Variants in DCBLD2 observed in about 807,000 individuals in gnomAD.
DCBLD2 encodes the protein discoidin, CUB and LCCL domain containing 2, also known as discoidin, CUB and LCCL domain-containing protein 2.
In DCBLD2, 54 loss-of-function variants were observed where a neutral mutation model predicts 86.8. The ratio of observed to expected loss-of-function variants is 0.62; its 90% confidence interval spans 0.50 to 0.78. The LOEUF (loss-of-function observed/expected upper bound fraction) is 0.78, where lower values mean the gene tolerates loss of function less well. DCBLD2 is among the 30% of genes least tolerant of loss of function. The pLI is 0.00. For synonymous variants in DCBLD2, 354 were observed against 341.3 expected (o/e 1.04, Z -0.41); for missense variants, 908 against 954.2 (o/e 0.95, Z 0.64).
chr3:98,804,885 T>G (rs893508586), intron 13 of DCBLD2: 2 of 152,274 alleles, frequency 1.3e-5, no homozygotes, highest in Non-Finnish European at 2.9e-5. Context: ...GAGTTCTTGT[T>G]TGATTGAACT....
chr3:98,811,463 C>CA lies in DCBLD2; in HGVS notation c.1450+4dup. ...ATCAAATTCTCACATTAAAAACAGGCATACCTTTGGCTATTTTTGGAGGGG... is the reference window on the plus strand; with the variant it reads ...ATCAAATTCTCACATTAAAAACAGGCAATACCTTTGGCTATTTTTGGAGGGG... On this transcript the variant is annotated splice_donor_region_variant and intron_variant, in intron 11 of 15. Transcript: ENST00000326840. The CA allele has an allele frequency of 6.2e-7, 1 of 1,613,508 alleles. No individual in the cohort carries two copies. The highest frequency in any genetic ancestry group is 8.5e-7 in the Non-Finnish European group (1 of 1,179,624).
At chr3:98,852,561 T>C (rs1009776212) in intron 2 of DCBLD2, among the ~76,000 whole-genome samples, 7 of 152,236 alleles carry the variant, frequency 4.6e-5, no homozygotes, top group Non-Finnish European at 1.0e-4. Flanking sequence ...AGGGTATTTC[T>C]TACCAGGATT....
At chr3:98,870,793 GAAAGAAAGAAAGAAAGA>G (rs1455509122) in intron 2 of DCBLD2, among the ~76,000 whole-genome samples, 58 of 151,064 alleles carry the variant, frequency 3.8e-4, no homozygotes, top group African/African-American at 1.0e-3. Context: ...AAGAAAGAAA[GAAAGAAAGAAAGAAAGA>G]AAGGTAGGCA....
chr3:98,803,361 A>G (rs1380338796), intron 13 of DCBLD2, among the ~76,000 whole-genome samples: 4 of 152,166 alleles, frequency 2.6e-5, no homozygotes, highest in African/African-American at 9.7e-5. Flanking sequence ...TTATTGGTGT[A>G]TAAGAATGCT....
intron 14 of DCBLD2, 111 bp from the exon 15 acceptor site, chr3:98,800,827 T>A: frequency 7.0e-7 from 1 of 1,418,732 alleles, no homozygotes; most frequent in Non-Finnish European, 9.6e-7. Flanking sequence ...AACAAATATC[T>A]CTACAAACTT....
rs1229772525 is a variant in DCBLD2 at position 98,867,972 on chromosome 3, T to C, written c.433+13568A>G. 2.6e-5 allele frequency among the ~76,000 whole-genome samples: 4 copies of C among 152,030 alleles called. No homozygotes were observed. The South Asian group carries it at 6.2e-4, about 24-fold the overall frequency. On this transcript the variant is annotated intron_variant, in intron 2 of 15. Coordinates refer to ENST00000326840, the MANE Select transcript of DCBLD2 (RefSeq NM_080927.4). ...TGCCTGCCACCGCGCCCGGCTACTTTTTTTGTATTTTCAGTAGAGACGGGG... is the reference window on the plus strand; with the variant it reads ...TGCCTGCCACCGCGCCCGGCTACTTCTTTTGTATTTTCAGTAGAGACGGGG...
chr3:98,890,871 T>C (rs1943648438), intron 1 of DCBLD2, among the ~76,000 whole-genome samples: 1 of 152,092 alleles, frequency 6.6e-6, no homozygotes, highest in South Asian at 2.1e-4. Flanking sequence ...TGTCACTAAA[T>C]GGAGAAAGCT....
At chr3:98,839,033 G>GGAGAGGGAGAGGGA (rs1461885913) in intron 3 of DCBLD2, among the ~76,000 whole-genome samples, 3 of 151,764 alleles carry the variant, frequency 2.0e-5, no homozygotes, top group Non-Finnish European at 1.5e-5. Context: ...GTCGGGAGAG[G>GGAGAGGGAGAGGGA]GAGAGGGAGA....
intron 2 of DCBLD2, among the ~76,000 whole-genome samples, chr3:98,859,505 C>G (rs773342073): frequency 1.3e-5 from 2 of 152,242 alleles, no homozygotes; most frequent in African/African-American, 2.4e-5. Flanking sequence ...CTCACATGGC[C>G]GGGTACGCCT....
intron 2 of DCBLD2, among the ~76,000 whole-genome samples, chr3:98,877,837 G>A (rs1375639963): frequency 3.9e-5 from 6 of 152,016 alleles, no homozygotes; most frequent in Admixed American, 3.3e-4. Flanking sequence ...ATAATGATGA[G>A]GACATCACCA....
intron 3 of DCBLD2, among the ~76,000 whole-genome samples, chr3:98,837,506 C>A (rs1942492095): frequency 2.5e-5 from 1 of 40,194 alleles, no homozygotes; most frequent in African/African-American, 9.2e-5. Flanking sequence ...GGCGGCTGGC[C>A]GGGCGGGGGG....
chr3:98,865,520 T>A (rs1035562334), intron 2 of DCBLD2, among the ~76,000 whole-genome samples: 3 of 151,724 alleles, frequency 2.0e-5, no homozygotes, highest in East Asian at 3.9e-4. Flanking sequence ...TACATAGGAG[T>A]GATAAGTTAA....
chr3:98,825,827 G>C (rs1305312948), intron 3 of DCBLD2, among the ~76,000 whole-genome samples: 1 of 151,888 alleles, frequency 6.6e-6, no homozygotes, highest in African/African-American at 2.4e-5. Flanking sequence ...ATGACAAAGA[G>C]AGTTAATTTT....
intron 3 of DCBLD2, among the ~76,000 whole-genome samples, chr3:98,826,861 C>T (rs897014778): frequency 1.3e-5 from 2 of 152,158 alleles, no homozygotes; most frequent in African/African-American, 2.4e-5. Flanking sequence ...GATTAAAGAA[C>T]TGTGTCAAGG....
At chr3:98,847,210 A>G (rs1016275309) in intron 3 of DCBLD2, among the ~76,000 whole-genome samples, 2 of 130,098 alleles carry the variant, frequency 1.5e-5, no homozygotes, top group African/African-American at 5.6e-5. Context: ...ATGAGCCTAC[A>G]AACAGTACAC....
At chr3:98,859,672 T>G (rs915799982) in intron 2 of DCBLD2, among the ~76,000 whole-genome samples, 9 of 152,076 alleles carry the variant, frequency 5.9e-5, no homozygotes, top group Admixed American at 5.9e-4. Flanking sequence ...CTATGACTGT[T>G]AAAAGGAAAA....
At position 98,801,630 on chromosome 3, in the gene DCBLD2, T is replaced by G. The variant is rs768481381; in HGVS notation, c.1690A>C (p.Thr564Pro). 1.9e-6 allele frequency: 3 copies of G among 1,609,042 alleles called. No individual in the cohort carries two copies. In the Admixed American group the frequency reaches 5.1e-5, roughly 27 times the overall value. Reference sequence around the variant, plus strand: ...CGGTCCCAGTAAGGTAAGTCATAGGTGCCTTCAGTTTTTTTCTTTCTGGAA... The same window carrying G: ...CGGTCCCAGTAAGGTAAGTCATAGGGGCCTTCAGTTTTTTTCTTTCTGGAA... ...WRNRKKKTEG[T>P]YDLPYWDRAG... The change falls in exon 14 of 16, where the codon ACC (threonine) becomes CCC (proline). Residue 564 changes from threonine to proline, a missense_variant. Around this residue, in one of 3 missense-constraint regions of DCBLD2, gnomAD observed 606 missense variants for 678.5 expected, o/e 0.89. Transcript: ENST00000326840.
chr3:98,838,039 C>T (rs1341093238), intron 3 of DCBLD2, among the ~76,000 whole-genome samples: 10 of 110,164 alleles, frequency 9.1e-5, no homozygotes, highest in Admixed American at 2.5e-4. Context: ...GCTGGCCGGG[C>T]GGGGGGCTGA....
At chr3:98,887,191 G>T (rs74932196) in intron 1 of DCBLD2, among the ~76,000 whole-genome samples, 4 of 151,196 alleles carry the variant, frequency 2.6e-5, no homozygotes, top group Non-Finnish European at 4.4e-5. Context: ...AGTTTTCAAG[G>T]TTTTTTTTGG....
Sources: gnomAD v4.1 joint callset for allele counts (sites outside exome capture counted in the v4.1 genomes callset) on GRCh38, gnomAD v4.1.1 for gene constraint, gnomAD v4.1.1 regional missense constraint, MANE v1.5 for transcripts, NCBI Gene and HGNC (gene_info 2026-07-23, HGNC 2026-07-21) for gene names.